SSBP3: variants seen among roughly 807,000 people sequenced by gnomAD.
SSBP3 encodes the protein single-stranded DNA-binding protein 3.
SSBP3 carries 5 observed loss-of-function variants against 69.6 expected under a neutral mutation model. That is an observed-to-expected ratio of 0.07 (90% CI 0.04 to 0.15). The LOEUF (loss-of-function observed/expected upper bound fraction) is 0.15. Among genes scored for constraint, SSBP3 ranks in the 10% least tolerant of loss-of-function variants. The pLI is 1.00. For missense variants in SSBP3, 312 were observed against 534.0 expected (o/e 0.58, Z 4.10); for synonymous variants, 196 against 193.4 (o/e 1.01, Z -0.11).
At chr1:54,401,768 C>T (rs1649320176) in intron 4 of SSBP3, 93 bp downstream of exon 4, 1 of 1,023,012 alleles carries the variant, frequency 9.8e-7, no homozygotes, top group Non-Finnish European at 1.5e-6. Context: ...AAATAAAGAC[C>T]ACTGCGAACT....
chr1:54,351,227 A>G (rs1372878681), intron 4 of SSBP3, among the ~76,000 whole-genome samples: 5 of 152,226 alleles, frequency 3.3e-5, no homozygotes, highest in African/African-American at 1.2e-4. Flanking sequence ...AAATACTCGA[A>G]AAGTTAGCAC....
chr1:54,242,300 G>T, intron 10 of SSBP3, 88 bp from the exon 11 acceptor site: 1 of 1,499,076 alleles, frequency 6.7e-7, no homozygotes, highest in Non-Finnish European at 9.3e-7. Context: ...GGAAAGGGCT[G>T]AAATCACAAC....
intron 5 of SSBP3, among the ~76,000 whole-genome samples, chr1:54,269,546 C>T (rs1234393195): frequency 5.9e-5 from 9 of 152,156 alleles, no homozygotes; most frequent in African/African-American, 1.9e-4. Context: ...ATTAATCTAG[C>T]GAATCGGAAC....
At chr1:54,405,745 TC>T in intron 1 of SSBP3, among the ~76,000 whole-genome samples, 1 of 141,276 alleles carries the variant, frequency 7.1e-6, no homozygotes. Flanking sequence ...CCTTCCCCGA[TC>T]CCCCAACCTC....
intron 4 of SSBP3, among the ~76,000 whole-genome samples, chr1:54,311,247 C>T (rs1326028502): frequency 6.6e-6 from 1 of 152,126 alleles, no homozygotes; most frequent in Non-Finnish European, 1.5e-5. Context: ...AGACCAGGGT[C>T]CTCCCTGACT....
At chr1:54,313,275 G>A (rs1646037084) in intron 4 of SSBP3, among the ~76,000 whole-genome samples, 1 of 151,924 alleles carries the variant, frequency 6.6e-6, no homozygotes, top group Non-Finnish European at 1.5e-5. Flanking sequence ...GGAGGGGGCT[G>A]CAGCCTCTGC....
intron 1 of SSBP3, among the ~76,000 whole-genome samples, chr1:54,405,662 C>T (rs867459147): frequency 1.3e-5 from 2 of 151,848 alleles, no homozygotes; most frequent in African/African-American, 2.4e-5. Flanking sequence ...TCGCCCACCA[C>T]TCACCGCGGG....
intron 5 of SSBP3, among the ~76,000 whole-genome samples, chr1:54,263,708 T>C (rs2100779583): frequency 6.6e-6 from 1 of 152,348 alleles, no homozygotes; most frequent in African/African-American, 2.4e-5. Flanking sequence ...ACTCCATGTC[T>C]GGGGGTGCCA....
intron 4 of SSBP3, among the ~76,000 whole-genome samples, chr1:54,314,846 C>A (rs995021731): frequency 1.3e-5 from 2 of 152,152 alleles, no homozygotes; most frequent in Non-Finnish European, 2.9e-5. Context: ...GAAGTCAAAG[C>A]CACCTGGGTA....
chr1:54,378,446 G>C (rs762208736), intron 4 of SSBP3, among the ~76,000 whole-genome samples: 1 of 152,204 alleles, frequency 6.6e-6, no homozygotes, highest in Non-Finnish European at 1.5e-5. Context: ...GAGGGGCTGT[G>C]GTGGAGAACC....
chr1:54,383,865 G>A (rs1022784983), intron 4 of SSBP3, among the ~76,000 whole-genome samples: 1 of 152,134 alleles, frequency 6.6e-6, no homozygotes, highest in African/African-American at 2.4e-5. Flanking sequence ...CCAGCACTTT[G>A]GGAGGCCGAG....
chr1:54,271,602 G>A lies in SSBP3; in HGVS notation c.366+9836C>T, dbSNP rs530142412. On this transcript the variant is annotated intron_variant, in intron 5 of 17. Coordinates refer to ENST00000610401, the Ensembl canonical transcript of SSBP3. Reference sequence around the variant, plus strand: ...AAGACCCTGTTCACAGCCACTCTGCGGCCTCCCTGACGGCCGAGCTGGGTG... The same window carrying A: ...AAGACCCTGTTCACAGCCACTCTGCAGCCTCCCTGACGGCCGAGCTGGGTG... Among the ~76,000 whole-genome samples the A allele has an allele frequency of 7.4e-4, 17 of 23,070 alleles. No individual in the cohort carries two copies. The South Asian group carries it at 0.036, about 49-fold the overall frequency. 15.1% of individuals were successfully genotyped at this position (23,070 alleles called of 152,430 possible). A position where few individuals can be genotyped will look rare whatever the true frequency, so the allele number is the denominator to read the frequency against.
At chr1:54,264,642 A>G (rs1423587302) in intron 5 of SSBP3, among the ~76,000 whole-genome samples, 1 of 152,224 alleles carries the variant, frequency 6.6e-6, no homozygotes, top group Non-Finnish European at 1.5e-5. Context: ...AGCATCCCTC[A>G]AGCGAGGTGG....
At chr1:54,320,783 T>C (rs56230215) in intron 4 of SSBP3, among the ~76,000 whole-genome samples, 20 of 152,172 alleles carry the variant, frequency 1.3e-4, no homozygotes, top group African/African-American at 4.1e-4. Flanking sequence ...GATAAGCAGA[T>C]AGCTTCAATC....
chr1:54,411,106 C>T (rs767300265), upstream of SSBP3, among the ~76,000 whole-genome samples: 11 of 152,218 alleles, frequency 7.2e-5, no homozygotes, highest in South Asian at 2.1e-4. Context: ...AGTATAGAAT[C>T]GGTTAGTTCA....
chr1:54,340,070 C>T (rs1384624004), intron 4 of SSBP3, among the ~76,000 whole-genome samples: 1 of 152,124 alleles, frequency 6.6e-6, no homozygotes, highest in East Asian at 1.9e-4. Context: ...CTTCCCCCAC[C>T]TAGAGGATAA....
At chr1:54,388,854 G>C (rs1648275456) in intron 4 of SSBP3, among the ~76,000 whole-genome samples, 1 of 152,222 alleles carries the variant, frequency 6.6e-6, no homozygotes, top group Non-Finnish European at 1.5e-5. Context: ...AGAGAACTCT[G>C]CATTCTAACC....
At position 54,395,205 on chromosome 1, in the gene SSBP3, C is replaced by T. The variant is rs1648779974; in HGVS notation, c.276+6656G>A. Among the ~76,000 whole-genome samples, 4 of 152,292 alleles carry T rather than the reference C, an allele frequency of 2.6e-5. No individual in the cohort carries two copies. In the South Asian group the frequency reaches 8.3e-4, roughly 32 times the overall value. ...AATGACACAGGATTTCACAGCACAA[C>T]CAACTTTCCCTGGACAGCTTTCCAT... On this transcript the variant is annotated intron_variant, in intron 4 of 17. Coordinates refer to ENST00000610401, the Ensembl canonical transcript of SSBP3.
At chr1:54,236,727 CT>C (rs1266642735) in intron 14 of SSBP3, 1 of 152,188 alleles carries the variant, frequency 6.6e-6, no homozygotes, top group African/African-American at 2.4e-5. Context: ...TGATAGTCAT[CT>C]TGTGGAAACG....
Sources: allele counts gnomAD v4.1 joint callset (sites outside exome capture counted in the v4.1 genomes callset), GRCh38; gene constraint gnomAD v4.1.1; transcripts MANE v1.5; gene names NCBI Gene and HGNC (gene_info 2026-07-23, HGNC 2026-07-21).